The following NKAIN2 variants were observed in gnomAD, a reference collection of about 807,000 sequenced individuals.
NKAIN2 encodes sodium/potassium transporting ATPase interacting 2, also known as sodium/potassium-transporting ATPase subunit beta-1-interacting protein 2.
NKAIN2 carries 14 observed loss-of-function variants against 32.6 expected under a neutral mutation model. The ratio of observed to expected loss-of-function variants is 0.43; its 90% CI spans 0.28 to 0.67. NKAIN2 has a LOEUF of 0.67. Ranked by LOEUF, NKAIN2 falls within the 30% of genes least tolerant of loss-of-function variation. The pLI, the probability that NKAIN2 is intolerant of heterozygous loss-of-function variation, is 0.17. For synonymous variants in NKAIN2, 80 were observed against 87.2 expected (o/e 0.92, Z 0.46); for missense variants, 198 against 258.3 (o/e 0.77, Z 1.60).
chr6:123,927,037 A>G (rs1040479334), intron 1 of NKAIN2, among the ~76,000 whole-genome samples: 1 of 152,208 alleles, frequency 6.6e-6, no homozygotes, highest in Non-Finnish European at 1.5e-5. Context: ...GAAATGAGAG[A>G]AAGTGCTGTG....
rs555308932 is a variant in NKAIN2 at position 124,824,731 on chromosome 6, CAA to C, written c.*1505_*1506del. ...CACCATTCTTTAGTGCAGTGAAATT[CAA>C]AAGTTATAAATTGGCATGGAGCAAG... On this transcript the variant is annotated 3_prime_UTR_variant, in exon 7 of 7. Transcript: ENST00000368417. 162 of 152,242 alleles carry C rather than the reference CAA, an allele frequency of 1.1e-3. No homozygotes were observed. The highest frequency in any genetic ancestry group is 3.8e-3 in the African/African-American group (159 of 41,554). The allele number at this position is 152,242 out of a possible 1,614,324, so 9.4% of individuals were successfully genotyped here.
chr6:123,959,116 A>G (rs994305197), intron 1 of NKAIN2, among the ~76,000 whole-genome samples: 1 of 152,162 alleles, frequency 6.6e-6, no homozygotes, highest in Non-Finnish European at 1.5e-5. Context: ...TATATGTGGT[A>G]GGTCTGTGGG....
intron 1 of NKAIN2, among the ~76,000 whole-genome samples, chr6:124,216,159 G>A (rs1791468773): frequency 6.6e-6 from 1 of 150,498 alleles, no homozygotes; most frequent in Non-Finnish European, 1.5e-5. Context: ...CACACACTCA[G>A]TCTAAATAGG....
chr6:124,759,963 C>G (rs1365008527), intron 4 of NKAIN2, among the ~76,000 whole-genome samples: 1 of 151,970 alleles, frequency 6.6e-6, no homozygotes, highest in Non-Finnish European at 1.5e-5. Flanking sequence ...GAGACACTCT[C>G]CTCTTGCCAT....
intron 3 of NKAIN2, among the ~76,000 whole-genome samples, chr6:124,560,927 C>A (rs1780665790): frequency 6.6e-6 from 1 of 152,128 alleles, no homozygotes. Context: ...GAAGATGCTG[C>A]AGAGGTAGGC....
intron 1 of NKAIN2, among the ~76,000 whole-genome samples, chr6:123,824,749 G>T (rs1450179422): frequency 6.6e-6 from 1 of 150,942 alleles, no homozygotes; most frequent in Non-Finnish European, 1.5e-5. Flanking sequence ...AAAAGAAAAA[G>T]AAAAAACAAT....
intron 1 of NKAIN2, among the ~76,000 whole-genome samples, chr6:123,890,245 A>G (rs189347145): frequency 7.2e-4 from 109 of 151,874 alleles, no homozygotes; most frequent in African/African-American, 2.6e-3. Context: ...CTTCCCTGTC[A>G]TCTTTGGAGT....
intron 5 of NKAIN2, among the ~76,000 whole-genome samples, chr6:124,815,250 GTA>G (rs543791725): frequency 0.055 from 4,869 of 88,388 alleles, 275 homozygotes; most frequent in African/African-American, 0.14. Flanking sequence ...ATGTATATAT[GTA>G]TATATATATG....
At chr6:124,278,099 G>T (rs1265950279) in intron 1 of NKAIN2, among the ~76,000 whole-genome samples, 1 of 151,676 alleles carries the variant, frequency 6.6e-6, no homozygotes, top group Non-Finnish European at 1.5e-5. Context: ...GGTCTTACCA[G>T]TTGAGGAAAA....
intron 3 of NKAIN2, among the ~76,000 whole-genome samples, chr6:124,656,663 C>T (rs1784549604): frequency 6.6e-6 from 1 of 152,106 alleles, no homozygotes; most frequent in African/African-American, 2.4e-5. Context: ...CACTCCCTCC[C>T]TCATGCCCTA....
intron 1 of NKAIN2, among the ~76,000 whole-genome samples, chr6:123,911,813 ACACACACACAC>A: frequency 3.7e-5 from 1 of 27,102 alleles, no homozygotes; most frequent in East Asian, 5.0e-4. Flanking sequence ...ATATATATAT[ACACACACACAC>A]ACACACACAC....
At chr6:123,834,732 G>C (rs1457673041) in intron 1 of NKAIN2, among the ~76,000 whole-genome samples, 1 of 152,042 alleles carries the variant, frequency 6.6e-6, no homozygotes, top group Non-Finnish European at 1.5e-5. Flanking sequence ...AGTAAGTTGA[G>C]GTTCCCCACT....
In NKAIN2 at chr6:124,470,412, T is replaced by C. The variant is rs59148041; in HGVS notation, c.273+115065T>C. On this transcript the variant is annotated intron_variant, in intron 3 of 6. Transcript: ENST00000368417. The stretch of plus-strand genomic sequence containing the variant: ...CAGTGTGGAGGAATGATGGGAGTGC[T>C]TTCCAATCAGGTGGCTTTGCAGAAG... 4.9e-3 allele frequency among the ~76,000 whole-genome samples: 748 copies of C among 152,242 alleles called. 29 individuals carry two copies. The East Asian group carries it at 0.081, about 16-fold the overall frequency.
intron 1 of NKAIN2, among the ~76,000 whole-genome samples, chr6:124,265,147 G>GT (rs141940902): frequency 2.0e-5 from 3 of 150,876 alleles, no homozygotes; most frequent in African/African-American, 4.9e-5. Context: ...TATAGCATTT[G>GT]TTTTTTTTCA....
chr6:124,688,853 C>T (rs1774123209), intron 4 of NKAIN2, among the ~76,000 whole-genome samples: 1 of 152,088 alleles, frequency 6.6e-6, no homozygotes, highest in South Asian at 2.1e-4. Context: ...CTGGATGAAC[C>T]ACAGTTTATA....
intron 1 of NKAIN2, among the ~76,000 whole-genome samples, chr6:124,028,832 CAT>C (rs143249047): frequency 0.027 from 3,769 of 138,802 alleles, 105 homozygotes; most frequent in African/African-American, 0.076. Flanking sequence ...TATATATATA[CAT>C]ATATATGTAT....
At chr6:123,951,976 G>T (rs1777348630) in intron 1 of NKAIN2, among the ~76,000 whole-genome samples, 1 of 151,230 alleles carries the variant, frequency 6.6e-6, no homozygotes, top group Non-Finnish European at 1.5e-5. Flanking sequence ...TTGTTTGTGT[G>T]TTTGCTCTAC....
intron 3 of NKAIN2, among the ~76,000 whole-genome samples, chr6:124,392,751 A>G (rs1773199024): frequency 6.6e-6 from 1 of 152,206 alleles, no homozygotes; most frequent in Non-Finnish European, 1.5e-5. Context: ...AAGTTGCTGC[A>G]TTTGACAGCA....
chr6:124,261,970 C>T (rs1308299635), intron 1 of NKAIN2, among the ~76,000 whole-genome samples: 3 of 151,934 alleles, frequency 2.0e-5, no homozygotes, highest in African/African-American at 7.3e-5. Flanking sequence ...TGCCTGTCAC[C>T]CAGTAAGTAC....
Sources: allele counts gnomAD v4.1 joint callset (sites outside exome capture counted in the v4.1 genomes callset), GRCh38; gene constraint gnomAD v4.1.1; transcripts MANE v1.5; gene names NCBI Gene and HGNC (gene_info 2026-07-23, HGNC 2026-07-21).